Variants in RNGTT observed in about 807,000 individuals in gnomAD.
RNGTT encodes RNA guanylyltransferase and 5'-phosphatase.
Under a neutral mutation model 79.3 loss-of-function variants are expected in RNGTT, and 33 were observed. That is an observed-to-expected ratio of 0.42 (90% CI 0.32 to 0.56). RNGTT has a LOEUF of 0.56. RNGTT is among the 20% of genes least tolerant of loss of function. The pLI is 0.17. For synonymous variants in RNGTT, 222 were observed against 235.9 expected (o/e 0.94, Z 0.54); for missense variants, 497 against 739.1 (o/e 0.67, Z 3.80).
chr6:88,811,959 A>G (rs1175134734), intron 11 of RNGTT, among the ~76,000 whole-genome samples: 1 of 152,106 alleles, frequency 6.6e-6, no homozygotes, highest in Non-Finnish European at 1.5e-5. Context: ...CTGGATACTA[A>G]TCTTTATTGG....
intron 13 of RNGTT, among the ~76,000 whole-genome samples, chr6:88,692,611 G>A (rs1347534079): frequency 1.3e-5 from 2 of 152,042 alleles, no homozygotes; most frequent in African/African-American, 4.8e-5. Flanking sequence ...CCAGAGAAGG[G>A]AGTGAGGATA....
intron 14 of RNGTT, among the ~76,000 whole-genome samples, chr6:88,673,397 T>C (rs1328881797): frequency 3.3e-5 from 5 of 152,188 alleles, no homozygotes; most frequent in Non-Finnish European, 4.4e-5. Flanking sequence ...CAAGCCAACA[T>C]AGGAAATGAA....
At chr6:88,635,430 A>G (rs1773064188) in intron 14 of RNGTT, among the ~76,000 whole-genome samples, 1 of 152,002 alleles carries the variant, frequency 6.6e-6, no homozygotes, top group Non-Finnish European at 1.5e-5. Context: ...TAACCTTCCA[A>G]GTCCTAGAAA....
rs551847812 is a variant in RNGTT at position 88,679,706 on chromosome 6, T to A, written c.1440-1287A>T. Among the ~76,000 whole-genome samples, 5 of 152,310 alleles carry A rather than the reference T, an allele frequency of 3.3e-5. No homozygotes were observed. In the South Asian group the frequency reaches 1.0e-3, roughly 32 times the overall value. Reference sequence around the variant, plus strand: ...TGAAGAAATACTATCATTATAACTGTGCTTGTGGAGTATGTAAGGAACTGG... The same window carrying A: ...TGAAGAAATACTATCATTATAACTGAGCTTGTGGAGTATGTAAGGAACTGG... On this transcript the variant is annotated intron_variant, in intron 13 of 15. Transcript: ENST00000369485.
At chr6:88,729,895 A>G (rs546145650) in intron 13 of RNGTT, among the ~76,000 whole-genome samples, 1 of 152,280 alleles carries the variant, frequency 6.6e-6, no homozygotes, top group South Asian at 2.1e-4. Flanking sequence ...GGTAAATGGA[A>G]AAGAATAATA....
intron 13 of RNGTT, among the ~76,000 whole-genome samples, chr6:88,688,690 T>C (rs1775366827): frequency 6.6e-6 from 1 of 152,192 alleles, no homozygotes; most frequent in African/African-American, 2.4e-5. Context: ...AATAAAATTA[T>C]AGTATTGGAT....
chr6:88,815,972 C>G lies in RNGTT; in HGVS notation c.1270-14340G>C, dbSNP rs573123181. ...TATAACATTTCCCTATTCTTTGTAT[C>G]AATTTTAAGCTAGGACAGAAAGAGA... is the stretch of plus-strand genomic sequence containing the variant. On this transcript the variant is annotated intron_variant, in intron 11 of 15. Transcript: ENST00000369485. 6.6e-5 allele frequency among the ~76,000 whole-genome samples: 10 copies of G among 152,094 alleles called. 1 individual carries two copies. In the South Asian group the frequency reaches 2.1e-3, roughly 32 times the overall value.
chr6:88,691,770 C>T (rs984665109), intron 13 of RNGTT, among the ~76,000 whole-genome samples: 2 of 151,900 alleles, frequency 1.3e-5, no homozygotes, highest in African/African-American at 2.4e-5. Context: ...GGTTGTAATA[C>T]ATAATACAAA....
intron 11 of RNGTT, among the ~76,000 whole-genome samples, chr6:88,827,575 AG>A (rs1305533718): frequency 6.6e-6 from 1 of 152,202 alleles, no homozygotes; most frequent in Admixed American, 6.5e-5. Flanking sequence ...GGCTGAAGCC[AG>A]GGAGCCAAGT....
chr6:88,710,349 A>G (rs1776277324), intron 13 of RNGTT, among the ~76,000 whole-genome samples: 1 of 152,232 alleles, frequency 6.6e-6, no homozygotes. Flanking sequence ...CAGTTAAGAC[A>G]ATTGCCTTTA....
chr6:88,890,535 G>A lies in RNGTT; in HGVS notation c.856C>T (p.Leu286=), dbSNP rs1293517590. 5.0e-6 allele frequency: 8 copies of A among 1,613,554 alleles called. No homozygotes were observed. Among genetic ancestry groups the A allele is most frequent in the Non-Finnish European group, 3.4e-6 (4 of 1,179,726 alleles). Reference sequence around the variant, plus strand: ...TTCCAGCTTACTTTGTATGGCTTCAGGTCTAAAAGTTTAATATTTTGCTTG... The same window carrying A: ...TTCCAGCTTACTTTGTATGGCTTCAAGTCTAAAAGTTTAATATTTTGCTTG... ...MDKQNIKLLD[L]KPYKVSWKAD... is the part of the protein sequence containing the mutation. Residue 286 remains leucine, a synonymous_variant, in exon 8 of 16, where the codon CTG becomes TTG. Transcript: ENST00000369485.
At chr6:88,844,029 T>C (rs1781404498) in intron 11 of RNGTT, among the ~76,000 whole-genome samples, 2 of 151,788 alleles carry the variant, frequency 1.3e-5, no homozygotes, top group South Asian at 4.1e-4. Flanking sequence ...CTTCAGGATG[T>C]GTAGGAGCAG....
chr6:88,813,095 G>A (rs772207003), intron 11 of RNGTT, among the ~76,000 whole-genome samples: 1 of 152,138 alleles, frequency 6.6e-6, no homozygotes, highest in East Asian at 1.9e-4. Flanking sequence ...TATTGAGCCT[G>A]CAGGGTGGCA....
At chr6:88,955,696 TA>T (rs1785403988) in intron 1 of RNGTT, among the ~76,000 whole-genome samples, 1 of 151,562 alleles carries the variant, frequency 6.6e-6, no homozygotes, top group South Asian at 2.1e-4. Flanking sequence ...AGAGCAGAAC[TA>T]AACTGTAACA....
chr6:88,873,224 G>C (rs900173818), intron 8 of RNGTT, among the ~76,000 whole-genome samples: 1 of 152,092 alleles, frequency 6.6e-6, no homozygotes, highest in Non-Finnish European at 1.5e-5. Context: ...TCTCTGCCTC[G>C]TTTCAAATGC....
intron 1 of RNGTT, among the ~76,000 whole-genome samples, chr6:88,946,752 C>A (rs1187616949): frequency 6.0e-5 from 9 of 150,066 alleles, no homozygotes; most frequent in African/African-American, 2.2e-4. Flanking sequence ...TGCAACCTCC[C>A]TGCCTGATTC....
chr6:88,922,406 C>A (rs1298532723), intron 4 of RNGTT, among the ~76,000 whole-genome samples: 1 of 152,018 alleles, frequency 6.6e-6, no homozygotes, highest in Non-Finnish European at 1.5e-5. Context: ...CAATACACAT[C>A]TCTAATAAGG....
chr6:88,782,421 T>C (rs1779094209), intron 12 of RNGTT, among the ~76,000 whole-genome samples: 1 of 152,014 alleles, frequency 6.6e-6, no homozygotes, highest in Non-Finnish European at 1.5e-5. Context: ...ATTAAACATT[T>C]AAACACAAAA....
chr6:88,665,256 T>C (rs1409245863), intron 14 of RNGTT, among the ~76,000 whole-genome samples: 2 of 152,060 alleles, frequency 1.3e-5, no homozygotes, highest in Non-Finnish European at 2.9e-5. Context: ...CCCTCCTGGA[T>C]TGGCAGTCAA....
Sources: allele counts gnomAD v4.1 joint callset (sites outside exome capture counted in the v4.1 genomes callset), GRCh38; gene constraint gnomAD v4.1.1; transcripts MANE v1.5; gene names NCBI Gene and HGNC (gene_info 2026-07-23, HGNC 2026-07-21).